BLTP3A: variants seen among roughly 807,000 people sequenced by gnomAD.
BLTP3A encodes bridge-like lipid transfer protein family member 3A.
the BLTP3A span, chr6:34,859,165 A>G: frequency 3.7e-6 from 6 of 1,614,202 alleles, 1 homozygote; most frequent in South Asian, 6.6e-5. Context: ...GGAGGAAAGT[A>G]GCATTGAAAA....
At chr6:34,829,470 A>G in the BLTP3A span, among the ~76,000 whole-genome samples, 2 of 152,190 alleles carry the variant, frequency 1.3e-5, no homozygotes, top group African/African-American at 4.8e-5. Context: ...TTAGGTAAAT[A>G]TATACTCATT....
the BLTP3A span, among the ~76,000 whole-genome samples, chr6:34,799,566 A>G: frequency 6.6e-6 from 1 of 152,220 alleles, no homozygotes; most frequent in African/African-American, 2.4e-5. Context: ...ATTCAACAGC[A>G]TAATATATGG....
At chr6:34,877,293 T>G in the BLTP3A span, 1 of 152,662 alleles carries the variant, frequency 6.6e-6, no homozygotes, top group South Asian at 2.1e-4. Flanking sequence ...GAAAGAATTC[T>G]TGGGGATGCC....
At chr6:34,842,553 G>A in the BLTP3A span, among the ~76,000 whole-genome samples, 3 of 151,996 alleles carry the variant, frequency 2.0e-5, no homozygotes, top group African/African-American at 4.8e-5. Flanking sequence ...GCCCTCTAAA[G>A]CTTAACCCAG....
chr6:34,828,326 C>T, the BLTP3A span, among the ~76,000 whole-genome samples: 1 of 151,824 alleles, frequency 6.6e-6, no homozygotes, highest in African/African-American at 2.4e-5. Flanking sequence ...TGGCACGCGC[C>T]TGTAATCCCA....
chr6:34,862,391 TAATAA>T, the BLTP3A span, among the ~76,000 whole-genome samples: 20 of 150,958 alleles, frequency 1.3e-4, no homozygotes, highest in East Asian at 2.0e-4. Context: ...AAAAAAATAA[TAATAA>T]AATAAAATAA....
At chr6:34,867,548 C>T in the BLTP3A span, 3 of 1,613,922 alleles carry the variant, frequency 1.9e-6, no homozygotes, top group Non-Finnish European at 2.5e-6. Context: ...GCCCTGCAAG[C>T]AGAGGAACTG....
At chr6:34,792,126 T>TGGCGGCGGCGGCGGCGGC in the BLTP3A span, 27,398 of 706,634 alleles carry the variant, frequency 0.039, 1,778 homozygotes, top group African/African-American at 0.23. Context: ...GAAAGCGCCA[T>TGGCGGCGGCGGCGGCGGC]GGCGGCGGCG....
chr6:34,794,805 A>C, the BLTP3A span, among the ~76,000 whole-genome samples: 1 of 143,508 alleles, frequency 7.0e-6, no homozygotes, highest in Non-Finnish European at 1.5e-5. Flanking sequence ...TTTTTTTTTG[A>C]GACGGAGTCT....
At chr6:34,837,896 T>A in the BLTP3A span, among the ~76,000 whole-genome samples, 1 of 152,170 alleles carries the variant, frequency 6.6e-6, no homozygotes, top group Non-Finnish European at 1.5e-5. Flanking sequence ...GGTTTGATTG[T>A]TTGTTTAGAT....
the BLTP3A span, among the ~76,000 whole-genome samples, chr6:34,870,202 C>T: frequency 9.2e-5 from 14 of 152,248 alleles, no homozygotes; most frequent in South Asian, 2.5e-3. Context: ...TTGCTGTGAA[C>T]ATCCTTGTAC....
At chr6:34,866,622 A>G in the BLTP3A span, among the ~76,000 whole-genome samples, 1 of 152,140 alleles carries the variant, frequency 6.6e-6, no homozygotes, top group Admixed American at 6.5e-5. Context: ...TTTTAAGTGG[A>G]TAGTTCAGTG....
the BLTP3A span, among the ~76,000 whole-genome samples, chr6:34,849,318 C>T: frequency 6.6e-6 from 1 of 151,948 alleles, no homozygotes; most frequent in Non-Finnish European, 1.5e-5. Flanking sequence ...CCACTGTGCC[C>T]AGCCAGTTTT....
chr6:34,841,469 A>G, the BLTP3A span, among the ~76,000 whole-genome samples: 5 of 152,246 alleles, frequency 3.3e-5, no homozygotes, highest in Non-Finnish European at 5.9e-5. Flanking sequence ...GAAAATTACA[A>G]TTAAAAGTTC....
At chr6:34,828,400 G>A in the BLTP3A span, among the ~76,000 whole-genome samples, 2 of 145,696 alleles carry the variant, frequency 1.4e-5, no homozygotes, top group East Asian at 2.0e-4. Flanking sequence ...GCAGTGAGCC[G>A]AGATCACACC....
chr6:34,859,056 C>T, the BLTP3A span: 2 of 1,614,182 alleles, frequency 1.2e-6, no homozygotes, highest in African/African-American at 1.3e-5. Flanking sequence ...GCTCAGATAG[C>T]ACTAGCCTCG....
At chr6:34,837,362 C>G in the BLTP3A span, among the ~76,000 whole-genome samples, 8 of 150,826 alleles carry the variant, frequency 5.3e-5, no homozygotes, top group African/African-American at 2.0e-4. Context: ...GGCAACATGG[C>G]GAAACCCGTC....
chr6:34,827,505 AAAAC>A, the BLTP3A span, among the ~76,000 whole-genome samples: 16 of 152,306 alleles, frequency 1.1e-4, no homozygotes, highest in Admixed American at 3.9e-4. Flanking sequence ...AAGTTTCAGA[AAAAC>A]AAAACCATTA....
At chr6:34,803,099 T>G in the BLTP3A span, among the ~76,000 whole-genome samples, 2 of 151,986 alleles carry the variant, frequency 1.3e-5, no homozygotes, top group African/African-American at 4.8e-5. Context: ...GTGGGAGGAT[T>G]GCTTGAGCCG....
Sources: gnomAD v4.1 joint callset for allele counts (sites outside exome capture counted in the v4.1 genomes callset) on GRCh38, gnomAD v4.1.1 for gene constraint, MANE v1.5 for transcripts, NCBI Gene and HGNC (gene_info 2026-07-23, HGNC 2026-07-21) for gene names.